The following MRPL27 variants were observed in gnomAD, a reference collection of about 807,000 sequenced individuals.
MRPL27 encodes the protein mitochondrial ribosomal protein L27, also known as large ribosomal subunit protein bL27m.
In MRPL27, 4 loss-of-function variants were observed where a neutral mutation model predicts 14.6. The observed-to-expected ratio is 0.27, with a 90% CI of 0.14 to 0.63. The LOEUF (loss-of-function observed/expected upper bound fraction) is 0.63. Among genes scored for constraint, MRPL27 ranks in the 20% least tolerant of loss-of-function variants. The pLI, the probability that MRPL27 is intolerant of heterozygous loss-of-function variation, is 0.85. For missense variants in MRPL27, 196 were observed against 192.8 expected (o/e 1.02, Z -0.10); for synonymous variants, 82 against 75.5 (o/e 1.09, Z -0.45).
chr17:50,371,623 C>G (rs1379393191), intron 1 of MRPL27, among the ~76,000 whole-genome samples: 3 of 152,178 alleles, frequency 2.0e-5, no homozygotes, highest in African/African-American at 4.8e-5. Flanking sequence ...TTTAGAGAAG[C>G]CTTGTGGGTC....
At chr17:50,369,627 T>G in intron 3 of MRPL27, 1 of 214,844 alleles carries the variant, frequency 4.7e-6, no homozygotes, top group Non-Finnish European at 9.2e-6. Flanking sequence ...AAGGAAGAAG[T>G]CTTAGAATAA....
intron 3 of MRPL27, 113 bp from the exon 4 acceptor site, chr17:50,368,411 A>G: frequency 9.3e-7 from 1 of 1,074,810 alleles, no homozygotes; most frequent in Non-Finnish European, 1.4e-6. Flanking sequence ...AAGGGTGATC[A>G]GAGAGCTCCA....
At chr17:50,371,661 G>A (rs1181653056) in intron 1 of MRPL27, among the ~76,000 whole-genome samples, 5 of 152,194 alleles carry the variant, frequency 3.3e-5, no homozygotes, top group African/African-American at 1.2e-4. Context: ...CAGAGTTCCT[G>A]AAGCCTGGGT....
chr17:50,372,338 C>G (rs549812568), intron 1 of MRPL27, among the ~76,000 whole-genome samples: 67 of 152,150 alleles, frequency 4.4e-4, no homozygotes, highest in African/African-American at 1.1e-3. Flanking sequence ...CTCGACCTCC[C>G]GAGCTCAGGT....
In MRPL27 at chr17:50,367,884, C is replaced by G. The variant is rs112737273; in HGVS notation, c.*208G>C. Reference sequence around the variant, plus strand: ...TCCAGGTGTGTCCCTAAATAGCATGCGTTCATGACGCTGGCTCACTTTATT... The same window carrying G: ...TCCAGGTGTGTCCCTAAATAGCATGGGTTCATGACGCTGGCTCACTTTATT... On this transcript the variant is annotated 3_prime_UTR_variant, in exon 4 of 4. Transcript: ENST00000225969. 111 of 596,670 alleles carry G rather than the reference C, an allele frequency of 1.9e-4. No individual in the cohort carries two copies. The highest frequency in any genetic ancestry group is 3.1e-4 in the Non-Finnish European group (103 of 337,650). The allele number at this position is 596,670 out of a possible 1,614,324, so 37.0% of individuals were successfully genotyped here.
intron 1 of MRPL27, 93 bp from the exon 2 acceptor site, chr17:50,370,679 A>T: frequency 6.5e-7 from 1 of 1,540,246 alleles, no homozygotes; most frequent in Non-Finnish European, 8.9e-7. Flanking sequence ...GGCGGTGGGG[A>T]GATGAGAAAG....
chr17:50,369,237 T>C (rs1913053774), intron 3 of MRPL27: 1 of 213,954 alleles, frequency 4.7e-6, no homozygotes, highest in Non-Finnish European at 9.2e-6. Context: ...TTAGCTTTGA[T>C]TATTATTGTT....
intron 1 of MRPL27, among the ~76,000 whole-genome samples, chr17:50,371,604 G>T (rs1913143922): frequency 6.6e-6 from 1 of 152,198 alleles, no homozygotes; most frequent in Non-Finnish European, 1.5e-5. Context: ...TAAGGTCCAT[G>T]CCAGTGTCTT....
At position 50,372,909 on chromosome 17, in the gene MRPL27, G is replaced by A. The variant is rs1454470011; in HGVS notation, c.40+222C>T. The A allele has an allele frequency of 2.4e-5, 15 of 612,392 alleles. No homozygotes were observed. The East Asian group carries it at 4.0e-4, about 16-fold the overall frequency. The allele number at this position is 612,392 out of a possible 1,614,324, so 37.9% of individuals were successfully genotyped here. A position where few individuals can be genotyped will look rare whatever the true frequency, so the allele number is the denominator to read the frequency against. ...CGCCAAGGAACCCGTCCGTGCTGCT[G>A]AGGCAGGAGAAAGACAAGTGCTCTT... On this transcript the variant is annotated intron_variant, in intron 1 of 3. Transcript: ENST00000225969.
Position 50,370,052 on chromosome 17 carries a change from G to T in MRPL27, c.220C>A (p.Arg74Ser), listed in dbSNP as rs753847195. The change falls in exon 3 of 4, where the codon CGC (arginine) becomes AGC (serine). Residue 74 changes from arginine (R) to serine (S), a missense_variant. Coordinates refer to ENST00000225969, the MANE Select transcript of MRPL27 (RefSeq NM_016504.3). ...GNIIATQRHFRWHPGAHVGVG... is the reference protein window; with the variant it reads ...GNIIATQRHFSWHPGAHVGVG... ...CTCACATGGGCACCTGGGTGCCAGCGGAAATGGCGCTGTGTTGCAATGATG... is the reference window on the plus strand; with the variant it reads ...CTCACATGGGCACCTGGGTGCCAGCTGAAATGGCGCTGTGTTGCAATGATG... The T allele has an allele frequency of 5.0e-6, 8 of 1,613,652 alleles. No individual in the cohort carries two copies. Among genetic ancestry groups the T allele is most frequent in the Middle Eastern group, 1.6e-4 (1 of 6,072 alleles).
Position 50,373,155 on chromosome 17 carries a change from A to G in MRPL27, c.16T>C (p.Leu6=), listed in dbSNP as rs201524116. The G allele has an allele frequency of 1.1e-5, 17 of 1,614,082 alleles. No individual in the cohort carries two copies. Among genetic ancestry groups the G allele is most frequent in the East Asian group, 2.2e-5 (1 of 44,874 alleles). Residue 6 remains leucine (L), a synonymous_variant, in exon 1 of 4, where the codon TTG becomes CTG. Coordinates refer to ENST00000225969, the MANE Select transcript of MRPL27 (RefSeq NM_016504.3). ...CCGGCTGTCCGGGTCCTCAGCGCCA[A>G]CACCACCGACGCCATGCTTTCGATC... MASVV[L]ALRTRTAVTS...
intron 1 of MRPL27, chr17:50,372,798 C>A: frequency 2.6e-6 from 1 of 379,942 alleles, no homozygotes; most frequent in Non-Finnish European, 4.8e-6. Flanking sequence ...CCTCAATCTG[C>A]TGAATCAATA....
intron 1 of MRPL27, among the ~76,000 whole-genome samples, chr17:50,371,859 A>T (rs1266097601): frequency 6.6e-6 from 1 of 152,054 alleles, no homozygotes; most frequent in Non-Finnish European, 1.5e-5. Context: ...CTCACTCACA[A>T]ATCTTTGCTC....
chr17:50,372,271 G>A (rs144775933), intron 1 of MRPL27, among the ~76,000 whole-genome samples: 1,702 of 151,602 alleles, frequency 0.011, 32 homozygotes, highest in African/African-American at 0.038. Flanking sequence ...GGGGGGATAG[G>A]GCCCCATTCT....
Position 50,373,166 on chromosome 17 carries a change from G to A in MRPL27, c.5C>T (p.Ala2Val), listed in dbSNP as rs372549459. ...GGTCCTCAGCGCCAACACCACCGAC[G>A]CCATGCTTTCGATCACTCACTTCCG... M[A>V]SVVLALRTRT... The change falls in exon 1 of 4, where the codon GCG (alanine) becomes GTG (valine). Residue 2 changes from alanine to valine, a missense_variant. By Grantham distance (64) the Ala-to-Val change is moderately conservative. Coordinates refer to ENST00000225969, the MANE Select transcript of MRPL27 (RefSeq NM_016504.3). 12 of 1,610,972 alleles carry A rather than the reference G, an allele frequency of 7.4e-6. No individual in the cohort carries two copies. The highest frequency in any genetic ancestry group is 6.7e-5 in the African/African-American group (5 of 74,832).
In MRPL27 at chr17:50,370,348, T is replaced by C. The variant is rs1273741633; in HGVS notation, c.172+107A>G. ...CGTTCCTTTAAACTGGAGCCAATTA[T>C]GATGGTAAGGAAGAACAGGGCCAGG... On this transcript the variant is annotated intron_variant, in intron 2 of 3. Coordinates refer to ENST00000225969, the MANE Select transcript of MRPL27 (RefSeq NM_016504.3). The C allele has an allele frequency of 3.9e-6, 6 of 1,549,732 alleles. No individual in the cohort carries two copies. The Admixed American group carries it at 5.2e-5, about 13-fold the overall frequency.
At chr17:50,373,020 C>A (rs1354661049) in intron 1 of MRPL27, 111 bp downstream of exon 1, 9 of 1,466,338 alleles carry the variant, frequency 6.1e-6, no homozygotes, top group African/African-American at 2.8e-5. Flanking sequence ...CCACACACTT[C>A]CCCTCGCATC....
chr17:50,368,727 T>C (rs1913037329), intron 3 of MRPL27: 1 of 625,364 alleles, frequency 1.6e-6, no homozygotes, highest in Non-Finnish European at 2.8e-6. Context: ...CTATGGAAAA[T>C]ATAAACCAAA....
chr17:50,370,752 T>C (rs1913108136), intron 1 of MRPL27, among the ~76,000 whole-genome samples, 166 bp from the exon 2 acceptor site: 1 of 151,900 alleles, frequency 6.6e-6, no homozygotes, highest in Non-Finnish European at 1.5e-5. Flanking sequence ...CTCTAAGTCC[T>C]TGGCTTTCTC....
Sources: gnomAD v4.1 joint callset for allele counts (sites outside exome capture counted in the v4.1 genomes callset) on GRCh38, gnomAD v4.1.1 for gene constraint, MANE v1.5 for transcripts, NCBI Gene and HGNC (gene_info 2026-07-23, HGNC 2026-07-21) for gene names.